The following TIMP2 variants were observed in gnomAD, a reference collection of about 807,000 sequenced individuals.
TIMP2 encodes TIMP metallopeptidase inhibitor 2.
In TIMP2, 5 loss-of-function variants were observed where a neutral mutation model predicts 24.3. The ratio of observed to expected loss-of-function variants is 0.21; its 90% confidence interval spans 0.11 to 0.43. The LOEUF is 0.43. Ranked by LOEUF, TIMP2 falls within the 20% of genes least tolerant of loss-of-function variation. The pLI is 1.00. For synonymous variants in TIMP2, 130 were observed against 123.2 expected (o/e 1.06, Z -0.37); for missense variants, 221 against 297.5 (o/e 0.74, Z 1.89).
At chr17:78,870,346 G>GTGGA (rs1389536575) in intron 3 of TIMP2, among the ~76,000 whole-genome samples, 1 of 151,422 alleles carries the variant, frequency 6.6e-6, no homozygotes, top group Non-Finnish European at 1.5e-5. Flanking sequence ...AACCCAGGAG[G>GTGGA]TGGAGGTTGC....
chr17:78,862,018 G>A (rs1026801436), intron 3 of TIMP2, among the ~76,000 whole-genome samples: 2 of 151,466 alleles, frequency 1.3e-5, no homozygotes, highest in East Asian at 1.9e-4. Context: ...GTCTGTCTCC[G>A]AGAAAAGCGA....
intron 1 of TIMP2, among the ~76,000 whole-genome samples, chr17:78,890,226 G>A (rs568919368): frequency 2.8e-5 from 4 of 142,238 alleles, no homozygotes; most frequent in Admixed American, 1.4e-4. Flanking sequence ...TTTTTGAGAC[G>A]AGTCTCACTC....
chr17:78,863,007 T>C (rs1261575838), intron 3 of TIMP2, among the ~76,000 whole-genome samples: 1 of 152,236 alleles, frequency 6.6e-6, no homozygotes, highest in East Asian at 1.9e-4. Context: ...TTGCAGATAG[T>C]GCGGTAATGA....
At chr17:78,904,336 A>G (rs531226356) in intron 1 of TIMP2, 35 of 152,212 alleles carry the variant, frequency 2.3e-4, no homozygotes, top group African/African-American at 7.5e-4. Context: ...TGGCTGGGAA[A>G]TCATGATTTG....
At chr17:78,870,155 C>T (rs2069664027) in intron 3 of TIMP2, among the ~76,000 whole-genome samples, 1 of 152,144 alleles carries the variant, frequency 6.6e-6, no homozygotes, top group African/African-American at 2.4e-5. Flanking sequence ...GTGGCTCGCG[C>T]CTGTAATCCT....
At chr17:78,893,161 GTGTGTGTGCATACA>G (rs2069931297) in intron 1 of TIMP2, among the ~76,000 whole-genome samples, 1 of 148,892 alleles carries the variant, frequency 6.7e-6, no homozygotes, top group Non-Finnish European at 1.5e-5. Context: ...GTGTGCAGGG[GTGTGTGTGCATACA>G]TGTGTGTGCA....
At position 78,856,096 on chromosome 17, in the gene TIMP2, T is replaced by A. The variant is rs1379016650; in HGVS notation, c.466-232A>T. 1.4e-5 allele frequency: 8 copies of A among 572,482 alleles called. No individual in the cohort carries two copies. The East Asian group carries it at 2.4e-4, about 17-fold the overall frequency. The allele number at this position is 572,482 out of a possible 1,614,324, so 35.5% of individuals were successfully genotyped here. ...CCGCTGCCCCCCCTCCTACTGCAGG[T>A]GTGCTTCCCTTTGGGCCATCTTCTA... On this transcript the variant is annotated intron_variant, in intron 4 of 4. Coordinates refer to ENST00000262768, the MANE Select transcript of TIMP2 (RefSeq NM_003255.5).
chr17:78,886,160 ACCGT>A (rs1221595337), intron 1 of TIMP2, among the ~76,000 whole-genome samples: 1 of 152,118 alleles, frequency 6.6e-6, no homozygotes, highest in Non-Finnish European at 1.5e-5. Context: ...TGCAGGTGTG[ACCGT>A]CCGGGCAGAG....
At chr17:78,868,769 C>T (rs990526532) in intron 3 of TIMP2, among the ~76,000 whole-genome samples, 2 of 152,152 alleles carry the variant, frequency 1.3e-5, no homozygotes, top group East Asian at 1.9e-4. Flanking sequence ...TCATGAGCCA[C>T]AAGGCTGGGG....
chr17:78,925,020 C>T lies in TIMP2; in HGVS notation c.69G>A (p.Pro23=), dbSNP rs1193749620. Residue 23 remains proline, a synonymous_variant, in exon 1 of 5, where the codon CCG becomes CCA. Coordinates refer to ENST00000262768, the MANE Select transcript of TIMP2 (RefSeq NM_003255.5). ...CCGGGGAGCAGCTGCAGGCGTCGGC[C>T]GGGCGAAGCAGCGTCGCCAGCAGCA... ...GLLLLATLLR[P]ADACSCSPVH... is the part of the protein sequence containing the mutation. 7 of 1,226,222 alleles carry T rather than the reference C, an allele frequency of 5.7e-6. No individual in the cohort carries two copies. Among genetic ancestry groups the T allele is most frequent in the Non-Finnish European group, 5.1e-6 (5 of 970,938 alleles). 76.0% of individuals were successfully genotyped at this position (1,226,222 alleles called of 1,614,324 possible). A position where few individuals can be genotyped will look rare whatever the true frequency, so the allele number is the denominator to read the frequency against.
At chr17:78,857,720 G>A (rs1320945248) in intron 3 of TIMP2, 74 bp from the exon 4 acceptor site, 18 of 1,594,084 alleles carry the variant, frequency 1.1e-5, no homozygotes, top group Non-Finnish European at 1.4e-5. Flanking sequence ...TCCACCCGGC[G>A]CAGGGGCGCT....
chr17:78,884,991 G>A (rs562098902), intron 1 of TIMP2, among the ~76,000 whole-genome samples: 57 of 152,318 alleles, frequency 3.7e-4, no homozygotes, highest in African/African-American at 1.3e-3. Context: ...CAGCAGGTTG[G>A]GGGGGAGCAG....
In TIMP2 at chr17:78,855,319, A is replaced by G. The variant is rs946392893; in HGVS notation, c.*348T>C. The G allele has an allele frequency of 1.1e-5, 4 of 361,452 alleles. No individual in the cohort carries two copies. The highest frequency in any genetic ancestry group is 8.2e-5 in the African/African-American group (4 of 48,534). The allele number at this position is 361,452 out of a possible 1,614,324, so 22.4% of individuals were successfully genotyped here. Reference sequence around the variant, plus strand: ...ATGCACATTTCCAGGCCCTGCCCTAACCCAGCTGGGAGATCCCTAAGTGCT... The same window carrying G: ...ATGCACATTTCCAGGCCCTGCCCTAGCCCAGCTGGGAGATCCCTAAGTGCT... On this transcript the variant is annotated 3_prime_UTR_variant, in exon 5 of 5. Coordinates refer to ENST00000262768, the MANE Select transcript of TIMP2 (RefSeq NM_003255.5). This position sits in a 1 kb window ranked among gnomAD's most constrained non-coding sequence, Gnocchi z 6.0.
rs1467023977 is a variant in TIMP2 at position 78,891,775 on chromosome 17, C to T, written c.131-17856G>A. ...TTTCTAGGTCCGCCCCTTTGCTCCT[C>T]CGAGGATGGATGGCACAGCGGCCAC... On this transcript the variant is annotated intron_variant, in intron 1 of 4. Coordinates refer to ENST00000262768, the MANE Select transcript of TIMP2 (RefSeq NM_003255.5). The surrounding 1 kb of genome is among the most constrained non-coding windows in gnomAD (Gnocchi z 4.5). 7.7e-6 allele frequency: 12 copies of T among 1,551,078 alleles called. No individual in the cohort carries two copies. The South Asian group carries it at 1.1e-4, about 14-fold the overall frequency.
intron 3 of TIMP2, among the ~76,000 whole-genome samples, chr17:78,858,817 G>T (rs546573136): frequency 1.3e-5 from 2 of 151,972 alleles, no homozygotes; most frequent in African/African-American, 4.8e-5. Context: ...GAGCCACCAC[G>T]CCTGGCCCCA....
intron 3 of TIMP2, among the ~76,000 whole-genome samples, chr17:78,863,226 G>T (rs1345050314): frequency 1.3e-5 from 2 of 152,056 alleles, no homozygotes; most frequent in Non-Finnish European, 2.9e-5. Flanking sequence ...GCCAACATTG[G>T]TTTATTTTTA....
chr17:78,865,150 G>A (rs1438261350), intron 3 of TIMP2, among the ~76,000 whole-genome samples: 1 of 152,210 alleles, frequency 6.6e-6, no homozygotes, highest in Non-Finnish European at 1.5e-5. Flanking sequence ...AAGGAGGTAT[G>A]ACTCTACCTG....
In TIMP2 at chr17:78,924,068, AG is replaced by A; in HGVS notation, c.130+890del. On this transcript the variant is annotated intron_variant, in intron 1 of 4. Transcript: ENST00000262768. The surrounding 1 kb of genome is among the most constrained non-coding windows in gnomAD (Gnocchi z 5.3). Reference sequence around the variant, plus strand: ...CTGCAGAGGCTTGAGGTGCAGGACCAGGGTGGAAACTTCGAGCCAGCGGGTT... The same window carrying A: ...CTGCAGAGGCTTGAGGTGCAGGACCAGGTGGAAACTTCGAGCCAGCGGGTT... Among the ~76,000 whole-genome samples the A allele has an allele frequency of 6.6e-6, 1 of 152,290 alleles. No homozygotes were observed. The highest frequency in any genetic ancestry group is 6.5e-5 in the Admixed American group (1 of 15,300).
chr17:78,907,444 G>A (rs922227445), intron 1 of TIMP2, among the ~76,000 whole-genome samples: 2 of 152,210 alleles, frequency 1.3e-5, no homozygotes, highest in African/African-American at 4.8e-5. Flanking sequence ...GCCAGTTGGT[G>A]GAGTCGTCTG....
Sources: gnomAD v4.1 joint callset for allele counts (sites outside exome capture counted in the v4.1 genomes callset) on GRCh38, gnomAD v4.1.1 for gene constraint, Gnocchi (gnomAD v3.1) non-coding constraint, MANE v1.5 for transcripts, NCBI Gene and HGNC (gene_info 2026-07-23, HGNC 2026-07-21) for gene names.